Variants in PHF21B observed in about 807,000 individuals in gnomAD.
The protein encoded by PHF21B is PHD finger protein 4.
A neutral mutation model predicts 62.2 loss-of-function variants in PHF21B; 22 were observed. That is an observed-to-expected ratio of 0.35 (90% CI 0.25 to 0.51). PHF21B has a LOEUF of 0.51. PHF21B is among the 20% of genes least tolerant of loss of function. The pLI is 0.97. For missense variants in PHF21B, 701 were observed against 707.9 expected (o/e 0.99, Z 0.11); for synonymous variants, 341 against 314.7 (o/e 1.08, Z -0.88).
chr22:44,933,448 C>T (rs894747607), intron 2 of PHF21B: 14 of 985,444 alleles, frequency 1.4e-5, no homozygotes, highest in Non-Finnish European at 1.6e-5. Flanking sequence ...TGACTAAACT[C>T]AGCAAGTGTT....
At chr22:44,971,894 C>T (rs1231774298) in intron 2 of PHF21B, among the ~76,000 whole-genome samples, 1 of 152,236 alleles carries the variant, frequency 6.6e-6, no homozygotes, top group Non-Finnish European at 1.5e-5. Flanking sequence ...CAAAGTAAGG[C>T]ATGAAGCAGG....
chr22:44,901,727 G>C (rs2095127665), intron 5 of PHF21B: 1 of 389,570 alleles, frequency 2.6e-6, no homozygotes, highest in African/African-American at 2.1e-5. Flanking sequence ...TCCCATCCTT[G>C]TCAGAGGAAT....
At chr22:44,908,333 A>T (rs1209107145) in intron 5 of PHF21B, among the ~76,000 whole-genome samples, 1 of 151,954 alleles carries the variant, frequency 6.6e-6, no homozygotes, top group Non-Finnish European at 1.5e-5. Flanking sequence ...CCTGAAACTG[A>T]CCCATGTTGA....
intron 2 of PHF21B, among the ~76,000 whole-genome samples, chr22:44,939,765 T>A (rs2071920303): frequency 6.6e-6 from 1 of 151,362 alleles, no homozygotes; most frequent in South Asian, 2.1e-4. Context: ...GGAGGGTGGG[T>A]CTGAGGAAGA....
chr22:44,956,368 T>C (rs994567333), intron 2 of PHF21B, among the ~76,000 whole-genome samples: 1 of 152,146 alleles, frequency 6.6e-6, no homozygotes, highest in Non-Finnish European at 1.5e-5. Flanking sequence ...GACGAGTGTA[T>C]CTTTTCCTCA....
chr22:44,941,281 T>C (rs2071951007), intron 2 of PHF21B, among the ~76,000 whole-genome samples: 1 of 152,160 alleles, frequency 6.6e-6, no homozygotes, highest in Non-Finnish European at 1.5e-5. Flanking sequence ...TGCTACCTCC[T>C]GCAAGCTACA....
In PHF21B at chr22:44,942,945, G is replaced by C. The variant is rs555381929; in HGVS notation, c.121-22455C>G. On this transcript the variant is annotated intron_variant, in intron 2 of 12. Coordinates refer to ENST00000313237, the MANE Select transcript of PHF21B (RefSeq NM_138415.5). ...TGAAGAAAGGGGGATTCAGAGCTTA[G>C]GACACAGGCCTGAGGCAGGGACCCA... 1.0e-3 allele frequency among the ~76,000 whole-genome samples: 155 copies of C among 151,880 alleles called. 1 individual carries two copies. The highest frequency in any genetic ancestry group is 3.1e-3 in the African/African-American group (130 of 41,372).
intron 2 of PHF21B, among the ~76,000 whole-genome samples, chr22:44,936,300 C>T (rs898240793): frequency 2.0e-5 from 3 of 152,228 alleles, no homozygotes; most frequent in African/African-American, 7.2e-5. Context: ...CTGCAGGTCC[C>T]GCCTGGTTCT....
At chr22:44,914,920 G>T (rs2071407940) in intron 4 of PHF21B, among the ~76,000 whole-genome samples, 1 of 152,218 alleles carries the variant, frequency 6.6e-6, no homozygotes, top group Non-Finnish European at 1.5e-5. Context: ...AATTGGGAAA[G>T]AATTATTAGT....
intron 4 of PHF21B, among the ~76,000 whole-genome samples, chr22:44,915,217 A>G (rs1320339333): frequency 6.6e-6 from 1 of 152,264 alleles, no homozygotes; most frequent in African/African-American, 2.4e-5. Context: ...AAAAACATTA[A>G]GATCTCCAAT....
intron 2 of PHF21B, among the ~76,000 whole-genome samples, chr22:44,960,160 A>C (rs2072388954): frequency 6.6e-6 from 1 of 152,144 alleles, no homozygotes; most frequent in African/African-American, 2.4e-5. Flanking sequence ...CAACCATCCC[A>C]GGAAACCCCT....
At chr22:44,908,223 C>T (rs984251859) in intron 5 of PHF21B, among the ~76,000 whole-genome samples, 1 of 152,166 alleles carries the variant, frequency 6.6e-6, no homozygotes, top group Non-Finnish European at 1.5e-5. Flanking sequence ...GACTCTGAGG[C>T]CAGAAGCTAG....
At chr22:44,998,103 A>C (rs1260149077) in intron 2 of PHF21B, among the ~76,000 whole-genome samples, 1 of 152,212 alleles carries the variant, frequency 6.6e-6, no homozygotes, top group Non-Finnish European at 1.5e-5. Flanking sequence ...AGCCAATCTG[A>C]TTTAGTAAGT....
chr22:44,926,190 G>A (rs1370471606), intron 2 of PHF21B, among the ~76,000 whole-genome samples: 3 of 131,894 alleles, frequency 2.3e-5, no homozygotes, highest in Non-Finnish European at 5.1e-5. Flanking sequence ...GATTCCCAGG[G>A]AAGCACATTC....
intron 5 of PHF21B, among the ~76,000 whole-genome samples, chr22:44,900,514 T>C (rs1336692566): frequency 6.6e-6 from 1 of 152,228 alleles, no homozygotes; most frequent in East Asian, 1.9e-4. Context: ...TTGGCCAGGC[T>C]GGTCTCAAAC....
intron 2 of PHF21B, among the ~76,000 whole-genome samples, chr22:44,932,289 G>C (rs1360910883): frequency 6.6e-6 from 1 of 152,202 alleles, no homozygotes; most frequent in East Asian, 1.9e-4. Flanking sequence ...CCTCTCTTGA[G>C]CCTGAGGTAA....
At chr22:44,966,334 G>C (rs964299293) in intron 2 of PHF21B, among the ~76,000 whole-genome samples, 1 of 152,212 alleles carries the variant, frequency 6.6e-6, no homozygotes, top group Non-Finnish European at 1.5e-5. Context: ...GAACCTTGTC[G>C]GGTGCAGGCA....
At chr22:44,942,333 C>T (rs736490) in intron 2 of PHF21B, among the ~76,000 whole-genome samples, 11,291 of 152,200 alleles carry the variant, frequency 0.074, 490 homozygotes, top group South Asian at 0.11. Context: ...CACAGTAGGA[C>T]CCTGGGGGCA....
intron 2 of PHF21B, among the ~76,000 whole-genome samples, chr22:44,970,475 C>T (rs2072616539): frequency 6.6e-6 from 1 of 152,226 alleles, no homozygotes; most frequent in African/African-American, 2.4e-5. Context: ...CCCTCTAGGT[C>T]TGCTGCTACA....
Sources: gnomAD v4.1 joint callset for allele counts (sites outside exome capture counted in the v4.1 genomes callset) on GRCh38, gnomAD v4.1.1 for gene constraint, MANE v1.5 for transcripts, NCBI Gene and HGNC (gene_info 2026-07-23, HGNC 2026-07-21) for gene names.